Variants in SOX6 observed in about 807,000 individuals in gnomAD.
SOX6 encodes the protein SRY-box transcription factor 6, also known as transcription factor SOX-6.
In SOX6, 11 loss-of-function variants were observed where a neutral mutation model predicts 97.8. The observed-to-expected ratio is 0.11, with a 90% CI of 0.07 to 0.19. The LOEUF is 0.19. SOX6 is among the 10% of genes least tolerant of loss of function. The pLI, the probability that SOX6 is intolerant of heterozygous loss-of-function variation, is 1.00. For synonymous variants in SOX6, 360 were observed against 371.4 expected (o/e 0.97, Z 0.35); for missense variants, 810 against 1,039.5 (o/e 0.78, Z 3.04).
chr11:16,389,863 G>T (rs977522203), intron 1 of SOX6, among the ~76,000 whole-genome samples: 1 of 150,838 alleles, frequency 6.6e-6, no homozygotes, highest in Non-Finnish European at 1.5e-5. Flanking sequence ...CCAGCTGTTC[G>T]GGAGGCTGAG....
intron 6 of SOX6, among the ~76,000 whole-genome samples, chr11:16,142,138 C>G (rs1289499860): frequency 1.3e-5 from 2 of 152,122 alleles, no homozygotes; most frequent in African/African-American, 4.8e-5. Flanking sequence ...TGGCCAGGCA[C>G]CCCTCTGAGA....
intron 13 of SOX6, among the ~76,000 whole-genome samples, chr11:15,999,155 C>T (rs1425726187): frequency 6.6e-6 from 1 of 151,966 alleles, no homozygotes; most frequent in African/African-American, 2.4e-5. Context: ...AAGGTATTCC[C>T]TATTATTAAT....
chr11:16,681,283 T>G (rs549954047), intron 3 of SOX6, among the ~76,000 whole-genome samples: 14 of 152,230 alleles, frequency 9.2e-5, no homozygotes, highest in South Asian at 8.3e-4. Flanking sequence ...TGCAATCAAA[T>G]GAGAACTCAG....
chr11:16,246,784 G>A (rs747204375), intron 3 of SOX6, among the ~76,000 whole-genome samples: 2 of 151,702 alleles, frequency 1.3e-5, no homozygotes, highest in Non-Finnish European at 2.9e-5. Context: ...ATTATTATGG[G>A]CACATAATAG....
At chr11:16,071,611 A>G (rs1848226927) in intron 9 of SOX6, among the ~76,000 whole-genome samples, 1 of 151,006 alleles carries the variant, frequency 6.6e-6, no homozygotes, top group Admixed American at 6.6e-5. Flanking sequence ...GGCCACTCCC[A>G]CTAAAGCTTC....
At chr11:16,289,421 G>GTT (rs1854843590) in intron 3 of SOX6, among the ~76,000 whole-genome samples, 1 of 151,944 alleles carries the variant, frequency 6.6e-6, no homozygotes, top group African/African-American at 2.4e-5. Context: ...AATAGCTAAG[G>GTT]TTTTCAGCAG....
At chr11:16,145,190 T>A (rs1850258262) in intron 6 of SOX6, among the ~76,000 whole-genome samples, 1 of 152,126 alleles carries the variant, frequency 6.6e-6, no homozygotes, top group African/African-American at 2.4e-5. Context: ...GCAAGGCTGG[T>A]TCAACATGCG....
chr11:16,498,900 C>T (rs534552896), intron 4 of SOX6, among the ~76,000 whole-genome samples: 128 of 152,214 alleles, frequency 8.4e-4, no homozygotes, highest in African/African-American at 2.8e-3. Flanking sequence ...GACAGATCAA[C>T]GAGACAGAAA....
intron 4 of SOX6, among the ~76,000 whole-genome samples, chr11:16,508,304 A>G (rs1222641353): frequency 6.6e-6 from 1 of 152,068 alleles, no homozygotes; most frequent in Non-Finnish European, 1.5e-5. Context: ...AGAGTTCTCA[A>G]AAAGCAAAAA....
At chr11:16,016,624 C>T (rs962750875) in intron 12 of SOX6, among the ~76,000 whole-genome samples, 1 of 152,044 alleles carries the variant, frequency 6.6e-6, no homozygotes, top group Admixed American at 6.6e-5. Flanking sequence ...GAGCTTCAGA[C>T]GCAGTCAGGG....
chr11:16,230,834 T>A (rs1169902295), intron 4 of SOX6, among the ~76,000 whole-genome samples: 2 of 151,702 alleles, frequency 1.3e-5, no homozygotes, highest in Non-Finnish European at 3.0e-5. Flanking sequence ...ATAGTACTAA[T>A]AAAAGTTTAG....
chr11:16,438,083 A>T (rs1423895222), intron 1 of SOX6, among the ~76,000 whole-genome samples: 1 of 152,154 alleles, frequency 6.6e-6, no homozygotes, highest in Non-Finnish European at 1.5e-5. Flanking sequence ...AAGGAAAGAC[A>T]AATCAAGTAT....
chr11:16,309,707 A>G, intron 3 of SOX6, among the ~76,000 whole-genome samples: 1 of 152,130 alleles, frequency 6.6e-6, no homozygotes, highest in East Asian at 1.9e-4. Flanking sequence ...GTTTACATTT[A>G]CCACTTCCTT....
At chr11:15,976,008 A>T (rs1230989832) in intron 15 of SOX6, among the ~76,000 whole-genome samples, 1 of 152,202 alleles carries the variant, frequency 6.6e-6, no homozygotes, top group Admixed American at 6.5e-5. Context: ...TCAAAAGCCT[A>T]GTCCTGGGAG....
intron 4 of SOX6, among the ~76,000 whole-genome samples, chr11:16,203,009 T>C (rs955071769): frequency 1.3e-5 from 2 of 152,104 alleles, no homozygotes; most frequent in Non-Finnish European, 2.9e-5. Flanking sequence ...CTGAGTAAAG[T>C]TGTAACTGTT....
At chr11:16,679,334 G>A (rs564915031) in intron 3 of SOX6, among the ~76,000 whole-genome samples, 1 of 152,198 alleles carries the variant, frequency 6.6e-6, no homozygotes, top group East Asian at 1.9e-4. Flanking sequence ...AGGGTCTGAA[G>A]TGGACCTCCA....
intron 1 of SOX6, among the ~76,000 whole-genome samples, chr11:16,453,620 C>G (rs1401946310): frequency 1.3e-5 from 2 of 152,030 alleles, no homozygotes; most frequent in Non-Finnish European, 2.9e-5. Context: ...AAACTCTTAC[C>G]CTTTCCTATG....
intron 3 of SOX6, among the ~76,000 whole-genome samples, chr11:16,709,476 C>G (rs957665501): frequency 1.3e-5 from 2 of 151,564 alleles, no homozygotes; most frequent in African/African-American, 4.9e-5. Context: ...TGAGATCGTG[C>G]GACTGCACTC....
At chr11:16,367,868 T>C (rs973123660) in intron 1 of SOX6, among the ~76,000 whole-genome samples, 2 of 152,152 alleles carry the variant, frequency 1.3e-5, no homozygotes, top group Admixed American at 6.6e-5. Flanking sequence ...CTAAAAAGCA[T>C]TAAATCTAAT....
Sources: gnomAD v4.1 joint callset for allele counts (sites outside exome capture counted in the v4.1 genomes callset) on GRCh38, gnomAD v4.1.1 for gene constraint, MANE v1.5 for transcripts, NCBI Gene and HGNC (gene_info 2026-07-23, HGNC 2026-07-21) for gene names.